Variants in VWA3B observed in about 807,000 individuals in gnomAD.
VWA3B encodes the protein von Willebrand factor A domain-containing protein 3B.
A neutral mutation model predicts 158.3 loss-of-function variants in VWA3B; 138 were observed. The observed-to-expected ratio is 0.87, with a 90% CI of 0.76 to 1.00. The LOEUF (loss-of-function observed/expected upper bound fraction) is 1.00, where lower values mean the gene tolerates loss of function less well. Among genes scored for constraint, VWA3B ranks in the 50% least tolerant of loss-of-function variants. The probability of loss-of-function intolerance (pLI) is 0.00; values close to 1 mark genes in which losing one functional copy is unlikely to be tolerated. For synonymous variants in VWA3B, 596 were observed against 587.3 expected (o/e 1.01, Z -0.21); for missense variants, 1,555 against 1,565.1 (o/e 0.99, Z 0.11).
intron 21 of VWA3B, among the ~76,000 whole-genome samples, chr2:98,258,341 G>A (rs62156737): frequency 0.13 from 20,336 of 151,454 alleles, 2,093 homozygotes; most frequent in Non-Finnish European, 0.2. Flanking sequence ...GCTATTCAGG[G>A]CCCCTTGAAG....
intron 26 of VWA3B, among the ~76,000 whole-genome samples, chr2:98,309,256 A>G (rs190700682): frequency 1.3e-5 from 2 of 152,294 alleles, no homozygotes; most frequent in Admixed American, 1.3e-4. Flanking sequence ...CAAATGTGAT[A>G]TCAGGAAAGC....
intron 23 of VWA3B, chr2:98,291,717 G>A (rs113477016): frequency 0.039 from 5,932 of 152,376 alleles, 168 homozygotes; most frequent in Middle Eastern, 0.075. Context: ...ACCTACAGGA[G>A]ATGGTGGTGT....
At chr2:98,307,867 A>G (rs1270828772) in intron 26 of VWA3B, among the ~76,000 whole-genome samples, 1 of 152,150 alleles carries the variant, frequency 6.6e-6, no homozygotes, top group African/African-American at 2.4e-5. Flanking sequence ...TTGCAGGGTA[A>G]AGCAAGGGAT....
intron 2 of VWA3B, among the ~76,000 whole-genome samples, chr2:98,112,680 T>A (rs953986380): frequency 2.0e-5 from 3 of 147,740 alleles, no homozygotes; most frequent in Admixed American, 2.0e-4. Flanking sequence ...ATCTGTAGGG[T>A]TTTTTTTAAT....
intron 7 of VWA3B, among the ~76,000 whole-genome samples, chr2:98,157,305 T>C (rs913654334): frequency 1.7e-4 from 26 of 152,226 alleles, no homozygotes; most frequent in African/African-American, 5.5e-4. Context: ...TTTAAATTAA[T>C]GAATGGTTAA....
intron 19 of VWA3B, among the ~76,000 whole-genome samples, chr2:98,242,055 T>A (rs1163176032): frequency 6.6e-6 from 1 of 152,184 alleles, no homozygotes; most frequent in Non-Finnish European, 1.5e-5. Context: ...AAAAGTAGAA[T>A]GGAGTTGAAA....
At chr2:98,325,247 C>G in the VWA3B span, among the ~76,000 whole-genome samples, 1 of 151,958 alleles carries the variant, frequency 6.6e-6, no homozygotes, top group African/African-American at 2.4e-5. Context: ...GAAAACCAAA[C>G]AAGGAGAAAA....
intron 21 of VWA3B, among the ~76,000 whole-genome samples, chr2:98,257,386 AGTTT>A (rs1214605426): frequency 6.6e-6 from 1 of 151,910 alleles, no homozygotes; most frequent in Non-Finnish European, 1.5e-5. Context: ...ATGGATACTT[AGTTT>A]GTTTGATTCC....
chr2:98,220,808 G>C lies in VWA3B; in HGVS notation c.2019+2780G>C, dbSNP rs147283286. ...TGCAGCCATAAAAAGGAATGAGATC[G>C]TGTCCTTTTCAGGGACATGGATGAA... On this transcript the variant is annotated intron_variant, in intron 14 of 27. Transcript: ENST00000477737. Among the ~76,000 whole-genome samples the C allele has an allele frequency of 2.4e-3, 370 of 152,192 alleles. 3 individuals are homozygous for C. The highest frequency in any genetic ancestry group is 8.7e-3 in the African/African-American group (359 of 41,500).
At chr2:98,246,719 GTCCTACAGGTTTAAAACTT>G (rs1378712579) in intron 19 of VWA3B, among the ~76,000 whole-genome samples, 1 of 151,832 alleles carries the variant, frequency 6.6e-6, no homozygotes, top group African/African-American at 2.4e-5. Flanking sequence ...CTAAAACATC[GTCCTACAGGTTTAAAACTT>G]TATAGAAATG....
At chr2:98,230,242 G>T (rs749386918) in intron 16 of VWA3B, 35 bp downstream of exon 16, 10 of 1,493,318 alleles carry the variant, frequency 6.7e-6, no homozygotes, top group Non-Finnish European at 8.0e-6. Context: ...CTCTTTGCTG[G>T]TTTCTCTTCA....
downstream of VWA3B, among the ~76,000 whole-genome samples, chr2:98,313,893 CA>C (rs1441748212): frequency 3.3e-5 from 5 of 152,334 alleles, no homozygotes; most frequent in African/African-American, 1.2e-4. Flanking sequence ...GTGCCTACTT[CA>C]GTGTAATGGA....
At chr2:98,245,751 C>T (rs62156718) in intron 19 of VWA3B, among the ~76,000 whole-genome samples, 5,916 of 152,238 alleles carry the variant, frequency 0.039, 172 homozygotes, top group Middle Eastern at 0.075. Flanking sequence ...AGACTTCTAA[C>T]GGGGTATTTT....
At chr2:98,256,289 C>T in intron 21 of VWA3B, 115 bp downstream of exon 21, 1 of 1,168,358 alleles carries the variant, frequency 8.6e-7, no homozygotes, top group Non-Finnish European at 1.2e-6. Context: ...AAATGTTCTG[C>T]AAACCACTAC....
Position 98,312,450 on chromosome 2 carries a change from GC to G in VWA3B, c.*104del. The G allele has an allele frequency of 7.1e-7, 1 of 1,405,242 alleles. No individual in the cohort carries two copies. Among genetic ancestry groups the G allele is most frequent in the Non-Finnish European group, 9.5e-7 (1 of 1,052,228 alleles). 87.0% of individuals were successfully genotyped at this position (1,405,242 alleles called of 1,614,324 possible). ...CTGGCCCCTCCGCGGAGGTAAGGCC[GC>G]CCTCCGCGCCGCCTATGCCTGCCCT... On this transcript the variant is annotated 3_prime_UTR_variant, in exon 28 of 28. Transcript: ENST00000477737.
intron 12 of VWA3B, among the ~76,000 whole-genome samples, chr2:98,200,037 T>G (rs529667072): frequency 6.6e-6 from 1 of 152,246 alleles, no homozygotes; most frequent in Non-Finnish European, 1.5e-5. Flanking sequence ...TTGTTTTATT[T>G]TAGACATTCT....
chr2:98,098,434 G>A (rs1487539763), intron 2 of VWA3B, among the ~76,000 whole-genome samples: 1 of 151,712 alleles, frequency 6.6e-6, no homozygotes, highest in Non-Finnish European at 1.5e-5. Context: ...ATACCCTCTT[G>A]ATGAATTGAC....
chr2:98,200,654 A>G (rs896196182), intron 12 of VWA3B, among the ~76,000 whole-genome samples: 1 of 152,110 alleles, frequency 6.6e-6, no homozygotes, highest in Non-Finnish European at 1.5e-5. Flanking sequence ...CATTCCCTTA[A>G]TAGGGTTTTT....
chr2:98,116,033 A>G (rs1412581221), intron 3 of VWA3B, among the ~76,000 whole-genome samples: 1 of 152,222 alleles, frequency 6.6e-6, no homozygotes, highest in Non-Finnish European at 1.5e-5. Context: ...AAAAAATATG[A>G]CAGAGATGAT....
Sources: gnomAD v4.1 joint callset for allele counts (sites outside exome capture counted in the v4.1 genomes callset) on GRCh38, gnomAD v4.1.1 for gene constraint, MANE v1.5 for transcripts, NCBI Gene and HGNC (gene_info 2026-07-23, HGNC 2026-07-21) for gene names.